The following PFKFB2 variants were observed in gnomAD, a reference collection of about 807,000 sequenced individuals.
The protein encoded by PFKFB2 is 6-phosphofructo-2-kinase/fructose-2,6-bisphosphatase 2.
A neutral mutation model predicts 68.0 loss-of-function variants in PFKFB2; 53 were observed. The observed-to-expected ratio is 0.78, with a 90% CI of 0.63 to 0.98. The LOEUF (loss-of-function observed/expected upper bound fraction) is 0.98, where lower values mean the gene tolerates loss of function less well. Among genes scored for constraint, PFKFB2 ranks in the 50% least tolerant of loss-of-function variants. The probability of loss-of-function intolerance (pLI) is 0.00; values close to 1 mark genes in which losing one functional copy is unlikely to be tolerated. For missense variants in PFKFB2, 451 were observed against 642.0 expected (o/e 0.70, Z 3.22); for synonymous variants, 222 against 227.6 (o/e 0.98, Z 0.22).
Position 207,077,492 on chromosome 1 carries a change from TG to T in PFKFB2, c.*5123del, listed in dbSNP as rs1683660796. 46 of 985,642 alleles carry T rather than the reference TG, an allele frequency of 4.7e-5. No homozygotes were observed. The highest frequency in any genetic ancestry group is 5.4e-5 in the Non-Finnish European group (45 of 829,886). The allele number at this position is 985,642 out of a possible 1,614,324, so 61.1% of individuals were successfully genotyped here. A position where few individuals can be genotyped will look rare whatever the true frequency, so the allele number is the denominator to read the frequency against. ...AGATCAACTTATGCTGGTATGGTGA[TG>T]GTTTTGCTATGGCAAAATCAAAGGG... On this transcript the variant is annotated 3_prime_UTR_variant, in exon 15 of 15. Transcript: ENST00000367080.
At chr1:207,061,041 A>T (rs1399903561) in intron 2 of PFKFB2, 1 of 137,172 alleles carries the variant, frequency 7.3e-6, no homozygotes, top group Non-Finnish European at 1.5e-5. Context: ...AAATATCTTA[A>T]ATATATATAT....
chr1:207,062,726 G>GT lies in PFKFB2; in HGVS notation c.308+13dup. ...CCATGAAGATCCGCAAGTGAGTCTTGTTTAAGGCCTGATCTCCAGGTCAGC... is the reference window on the plus strand; with the variant it reads ...CCATGAAGATCCGCAAGTGAGTCTTGTTTTAAGGCCTGATCTCCAGGTCAGC... On this transcript the variant is annotated intron_variant, in intron 4 of 14. Transcript: ENST00000367080. The GT allele has an allele frequency of 1.9e-6, 3 of 1,612,280 alleles. No homozygotes were observed. The highest frequency in any genetic ancestry group is 2.5e-6 in the Non-Finnish European group (3 of 1,178,986).
At chr1:207,040,411 T>C (rs1682454122) in intron 1 of PFKFB2, among the ~76,000 whole-genome samples, 1 of 152,172 alleles carries the variant, frequency 6.6e-6, no homozygotes, top group Non-Finnish European at 1.5e-5. Context: ...TCAGAAAACT[T>C]CACTTCGTGT....
chr1:207,056,055 T>C (rs2102338516), intron 2 of PFKFB2, among the ~76,000 whole-genome samples: 1 of 152,302 alleles, frequency 6.6e-6, no homozygotes, highest in East Asian at 1.9e-4. Flanking sequence ...CTTGAACAAG[T>C]TGCTTGTTCT....
chr1:207,040,960 G>T (rs567131189), intron 1 of PFKFB2, among the ~76,000 whole-genome samples: 1 of 127,100 alleles, frequency 7.9e-6, no homozygotes, highest in South Asian at 2.3e-4. Context: ...CAAGAGTCTC[G>T]CTCTGTCGCC....
Position 207,073,246 on chromosome 1 carries a change from A to C in PFKFB2, c.*875A>C, listed in dbSNP as rs372880218. 6.1e-6 allele frequency: 6 copies of C among 985,334 alleles called. No homozygotes were observed. In the East Asian group the frequency reaches 3.4e-4, roughly 56 times the overall value. 61.0% of individuals were successfully genotyped at this position (985,334 alleles called of 1,614,324 possible). A position where few individuals can be genotyped will look rare whatever the true frequency, so the allele number is the denominator to read the frequency against. ...CAGGCCTGGGTCTTTTGAGGTCTGC[A>C]GAGTGGGGTTTAGGAGAGTAGGGTG... On this transcript the variant is annotated 3_prime_UTR_variant, in exon 15 of 15. Coordinates refer to ENST00000367080, the MANE Select transcript of PFKFB2 (RefSeq NM_006212.2).
At chr1:207,051,853 TAAA>T (rs1682760829), upstream of PFKFB2, among the ~76,000 whole-genome samples, 1 of 152,172 alleles carries the variant, frequency 6.6e-6, no homozygotes, top group African/African-American at 2.4e-5. Flanking sequence ...GCCTCGCAAA[TAAA>T]AAGTGTTCAA....
rs1683649907 is a variant in PFKFB2, at chr1:207,077,153, C to T, written c.*4782C>T. ...ACTTGAAGTCATCTCATCCAGTCCC[C>T]TGCTTTAGGGCAGGACTTCAGTTCC... On this transcript the variant is annotated 3_prime_UTR_variant, in exon 15 of 15. Transcript: ENST00000367080. 1 of 985,090 alleles carries T rather than the reference C, an allele frequency of 1.0e-6. No individual in the cohort carries two copies. 61.0% of individuals were successfully genotyped at this position (985,090 alleles called of 1,614,324 possible). A position where few individuals can be genotyped will look rare whatever the true frequency, so the allele number is the denominator to read the frequency against.
In PFKFB2 at chr1:207,069,419, T is replaced by C. The variant is rs757205468; in HGVS notation, c.988-5T>C. ...TTCAAGCCAGCTTCAAGTGGCTTTT[T>C]GCAGGGTGTGTGTGAAGAGATGACC... is the stretch of plus-strand genomic sequence containing the variant. On this transcript the variant is annotated splice_region_variant and splice_polypyrimidine_tract_variant and intron_variant, in intron 10 of 14. Transcript: ENST00000367080. The C allele has an allele frequency of 6.2e-7, 1 of 1,610,664 alleles. No individual in the cohort carries two copies. The highest frequency in any genetic ancestry group is 1.1e-5 in the South Asian group (1 of 90,994).
rs373734556 is a variant in PFKFB2, at chr1:207,064,992, G to A, written c.508-44G>A. ...TGGCTATTTGTAGGAGGACTGTTAC[G>A]GGCAGACCTCTGATGAGGCCTTTAC... On this transcript the variant is annotated intron_variant, in intron 7 of 14. Coordinates refer to ENST00000367080, the MANE Select transcript of PFKFB2 (RefSeq NM_006212.2). 198 of 1,601,650 alleles carry A rather than the reference G, an allele frequency of 1.2e-4. 1 individual carries two copies. The African/African-American group carries it at 1.4e-3, about 11-fold the overall frequency.
Position 207,069,431 on chromosome 1 carries a change from G to T in PFKFB2, c.995G>T (p.Cys332Phe), listed in dbSNP as rs1202457002. 6.2e-7 allele frequency: 1 copy of T among 1,612,864 alleles called. No individual in the cohort carries two copies. The highest frequency in any genetic ancestry group is 8.5e-7 in the Non-Finnish European group (1 of 1,178,970). The stretch of plus-strand genomic sequence containing the variant: ...TCAAGTGGCTTTTTGCAGGGTGTGT[G>T]TGAAGAGATGACCTATGCAGAGATT... Reference protein sequence around the residue: ...KILNEIDAGVCEEMTYAEIEK... With the variant: ...KILNEIDAGVFEEMTYAEIEK... The change falls in exon 11 of 15, where the codon TGT becomes TTT. Residue 332 changes from cysteine (C) to phenylalanine (F), a missense_variant. Coordinates refer to ENST00000367080, the MANE Select transcript of PFKFB2 (RefSeq NM_006212.2).
intron 1 of PFKFB2, among the ~76,000 whole-genome samples, chr1:207,037,094 A>G (rs770652189): frequency 6.6e-6 from 1 of 152,178 alleles, no homozygotes; most frequent in Non-Finnish European, 1.5e-5. Context: ...ACTCATTTCT[A>G]TCTGGCTACT....
intron 2 of PFKFB2, among the ~76,000 whole-genome samples, chr1:207,058,797 G>C (rs912731268): frequency 6.6e-6 from 1 of 152,046 alleles, no homozygotes; most frequent in Non-Finnish European, 1.5e-5. Context: ...CCAGCCTCAA[G>C]TCTTCATTTT....
Position 207,063,407 on chromosome 1 carries a change from C to G in PFKFB2, c.436C>G (p.Gln146Glu), listed in dbSNP as rs1311597516. 6.2e-7 allele frequency: 1 copy of G among 1,612,644 alleles called. No individual in the cohort carries two copies. The highest frequency in any genetic ancestry group is 1.7e-5 in the Admixed American group (1 of 59,958). The change falls in exon 6 of 15, where the codon CAG becomes GAG. Residue 146 changes from glutamine (Q) to glutamate (E), a missense_variant. Coordinates refer to ENST00000367080, the MANE Select transcript of PFKFB2 (RefSeq NM_006212.2). The surrounding 1 kb of genome is among the most constrained non-coding windows in gnomAD (Gnocchi z 4.1). ...GGACATGATTTTGAACTTTGCTGAA[C>G]AGAATTCCTTCAAGGTAGGATCTGA... ...RRDMILNFAE[Q>E]NSFKVFFVES...
intron 2 of PFKFB2, among the ~76,000 whole-genome samples, chr1:207,055,560 A>G (rs1193924885): frequency 2.0e-5 from 3 of 152,030 alleles, no homozygotes; most frequent in Non-Finnish European, 4.4e-5. Flanking sequence ...GGGAACTTCA[A>G]GGAATGCTAA....
At chr1:207,068,409 C>T in intron 10 of PFKFB2, 100 bp downstream of exon 10, 2 of 1,045,624 alleles carry the variant, frequency 1.9e-6, no homozygotes, top group Non-Finnish European at 2.6e-6. Flanking sequence ...AAACTACAAC[C>T]AACAAGTAAA....
intron 2 of PFKFB2, among the ~76,000 whole-genome samples, chr1:207,056,791 T>G (rs1455228085): frequency 6.6e-6 from 1 of 152,228 alleles, no homozygotes; most frequent in Non-Finnish European, 1.5e-5. Context: ...GTGAGACTGT[T>G]GCAGACATAG....
At chr1:207,065,483 T>C (rs2808461) in intron 8 of PFKFB2, among the ~76,000 whole-genome samples, 5,376 of 151,290 alleles carry the variant, frequency 0.036, 337 homozygotes, top group African/African-American at 0.12. Context: ...CCTGAGTAGC[T>C]GGGACCACAG....
intron 2 of PFKFB2, among the ~76,000 whole-genome samples, chr1:207,061,493 T>C (rs1683115778): frequency 6.6e-6 from 1 of 152,114 alleles, no homozygotes; most frequent in Non-Finnish European, 1.5e-5. Flanking sequence ...TGATATCTCC[T>C]TATTTGTCTT....
Sources: allele counts gnomAD v4.1 joint callset (sites outside exome capture counted in the v4.1 genomes callset), GRCh38; gene constraint gnomAD v4.1.1; non-coding constraint Gnocchi (gnomAD v3.1); transcripts MANE v1.5; gene names NCBI Gene and HGNC (gene_info 2026-07-23, HGNC 2026-07-21).